Variants in POLQ observed in about 807,000 individuals in gnomAD.
POLQ encodes DNA polymerase theta.
POLQ carries 233 observed loss-of-function variants against 259.2 expected under a neutral mutation model. That is an observed-to-expected ratio of 0.90 (90% confidence interval 0.81 to 1.00). The LOEUF is 1.00. Among genes scored for constraint, POLQ ranks in the 50% least tolerant of loss-of-function variants. The pLI, the probability that POLQ is intolerant of heterozygous loss-of-function variation, is 0.00. For synonymous variants in POLQ, 1,025 were observed against 1,048.8 expected (o/e 0.98, Z 0.44); for missense variants, 2,871 against 3,051.6 (o/e 0.94, Z 1.39).
At chr3:121,522,570 C>T (rs974211521) in intron 7 of POLQ, among the ~76,000 whole-genome samples, 3 of 151,882 alleles carry the variant, frequency 2.0e-5, no homozygotes, top group Non-Finnish European at 4.4e-5. Context: ...CTCGGCCTCC[C>T]AAAGTGCTGG....
At chr3:121,498,106 T>A (rs2108802549) in intron 13 of POLQ, among the ~76,000 whole-genome samples, 1 of 150,892 alleles carries the variant, frequency 6.6e-6, no homozygotes, top group South Asian at 2.1e-4. Flanking sequence ...AGGTCAGGAG[T>A]TTAAGACCAG....
chr3:121,489,222 A>C lies in POLQ; in HGVS notation c.3709T>G (p.Cys1237Gly), dbSNP rs1379974231. The change falls in exon 16 of 30, where the codon TGT becomes GGT. Residue 1237 changes from cysteine (C) to glycine (G), a missense_variant. Cys to Gly is a radical substitution (Grantham distance 159, BLOSUM62 -3). Coordinates refer to ENST00000264233, the MANE Select transcript of POLQ (RefSeq NM_199420.4). ...INRDSNVTIN[C>G]ERIKLNTEEN... Reference sequence around the variant, plus strand: ...TCTGTATTAAGCTTTATCCTTTCACAATTGATAGTAACATTTGAGTCTCTA... The same window carrying C: ...TCTGTATTAAGCTTTATCCTTTCACCATTGATAGTAACATTTGAGTCTCTA... 6.2e-7 allele frequency: 1 copy of C among 1,612,050 alleles called. No individual in the cohort carries two copies. Among genetic ancestry groups the C allele is most frequent in the Non-Finnish European group, 8.5e-7 (1 of 1,179,084 alleles).
Position 121,488,822 on chromosome 3 carries a change from T to A in POLQ, c.4109A>T (p.Glu1370Val), listed in dbSNP as rs1356887037. Residue 1370 changes from glutamate (E) to valine (V), a missense_variant, in exon 16 of 30, where the codon GAG becomes GTG. By Grantham distance (121) the Glu-to-Val change is moderately radical. This residue lies in a region of POLQ where 2,080 missense variants were observed against 2,126.0 expected (regional missense o/e 0.98). Transcript: ENST00000264233. Reference sequence around the variant, plus strand: ...TTCAGCAGGAAAAGGAATGTGACACTCCTTCTGAAAAGAGTTCATTGAGTT... The same window carrying A: ...TTCAGCAGGAAAAGGAATGTGACACACCTTCTGAAAAGAGTTCATTGAGTT... ...QQNSMNSFQK[E>V]CHIPFPAEQH... The A allele has an allele frequency of 1.2e-6, 2 of 1,613,832 alleles. No individual in the cohort carries two copies. The highest frequency in any genetic ancestry group is 3.3e-5 in the Admixed American group (2 of 59,982).
rs2048250510 is a variant in POLQ, at chr3:121,510,960, G to A, written c.1612-717C>T. On this transcript the variant is annotated intron_variant, in intron 10 of 29. Transcript: ENST00000264233. ...TTAACTGGGTGAGCCAGGCGCAGTA[G>A]CTCACGCCCGTAATCCCAGCACTCT... Among the ~76,000 whole-genome samples, 4 of 152,252 alleles carry A rather than the reference G, an allele frequency of 2.6e-5. No individual in the cohort carries two copies. In the South Asian group the frequency reaches 8.3e-4, roughly 32 times the overall value.
In POLQ at chr3:121,467,513, C is replaced by T; in HGVS notation, c.6967+6G>A. On this transcript the variant is annotated splice_donor_region_variant and intron_variant, in intron 24 of 29. Coordinates refer to ENST00000264233, the MANE Select transcript of POLQ (RefSeq NM_199420.4). Reference sequence around the variant, plus strand: ...TGAGAAGCTTCAAAGCTATCAGCCACCTTACCTGGGAAAGGCACAAAGGCA... The same window carrying T: ...TGAGAAGCTTCAAAGCTATCAGCCATCTTACCTGGGAAAGGCACAAAGGCA... The T allele has an allele frequency of 6.2e-7, 1 of 1,613,272 alleles. No individual in the cohort carries two copies. Among genetic ancestry groups the T allele is most frequent in the South Asian group, 1.1e-5 (1 of 90,890 alleles).
intron 22 of POLQ, among the ~76,000 whole-genome samples, chr3:121,470,687 T>G (rs1332816989): frequency 1.3e-5 from 2 of 152,190 alleles, no homozygotes; most frequent in Non-Finnish European, 2.9e-5. Flanking sequence ...CACAGCTCAC[T>G]GTAGCCTTGA....
chr3:121,445,354 T>C (rs955521559), intron 26 of POLQ, among the ~76,000 whole-genome samples: 1 of 152,212 alleles, frequency 6.6e-6, no homozygotes, highest in African/African-American at 2.4e-5. Flanking sequence ...TGGTTCAATC[T>C]TGGCAGGTTG....
chr3:121,488,398 T>C lies in POLQ; in HGVS notation c.4533A>G (p.Glu1511=). The part of the protein sequence containing the change: ...KEQLPDMQMK[E]PLPSEVTSNH... ...TTGATGTTACTTCTGAAGGAAGGGG[T>C]TCTTTCATTTGCATATCAGGTAATT... Residue 1511 remains glutamate, a synonymous_variant, in exon 16 of 30, where the codon GAA becomes GAG. Coordinates refer to ENST00000264233, the MANE Select transcript of POLQ (RefSeq NM_199420.4). 4 of 1,612,888 alleles carry C rather than the reference T, an allele frequency of 2.5e-6. No individual in the cohort carries two copies. Among genetic ancestry groups the C allele is most frequent in the Non-Finnish European group, 3.4e-6 (4 of 1,179,040 alleles).
intron 25 of POLQ, among the ~76,000 whole-genome samples, chr3:121,455,509 G>C (rs2047726615): frequency 7.6e-6 from 1 of 132,122 alleles, no homozygotes; most frequent in Non-Finnish European, 1.6e-5. Flanking sequence ...GAAGAAAAGA[G>C]AGAAGAATCA....
intron 14 of POLQ, among the ~76,000 whole-genome samples, chr3:121,496,074 A>G (rs1346995742): frequency 5.3e-5 from 8 of 152,090 alleles, no homozygotes; most frequent in Admixed American, 4.6e-4. Context: ...TAATACATTA[A>G]GGCAGACCAG....
chr3:121,529,722 C>CA lies in POLQ; in HGVS notation c.1030dup (p.Cys344LeufsTer8). The CA allele has an allele frequency of 1.2e-6, 2 of 1,611,616 alleles. No individual in the cohort carries two copies. The highest frequency in any genetic ancestry group is 1.7e-6 in the Non-Finnish European group (2 of 1,178,554). On this transcript the variant is annotated frameshift_variant, in exon 7 of 30. Transcript: ENST00000264233. LOFTEE classifies it high-confidence loss of function. Reference sequence around the variant, plus strand: ...CTTCTCACACCATTTCTTTGATGGACAAAAAAGTAATACTGAATGGTTATC... The same window carrying CA: ...CTTCTCACACCATTTCTTTGATGGACAAAAAAAGTAATACTGAATGGTTATC...
intron 25 of POLQ, among the ~76,000 whole-genome samples, chr3:121,455,020 A>T (rs1367777978): frequency 2.6e-5 from 4 of 152,204 alleles, no homozygotes; most frequent in Admixed American, 2.6e-4. Context: ...AACAGAAATT[A>T]TAATAAACTG....
At position 121,436,347 on chromosome 3, in the gene POLQ, A is replaced by C. The variant is rs920614388; in HGVS notation, c.7390-72T>G. The C allele has an allele frequency of 6.7e-6, 10 of 1,483,300 alleles. No individual in the cohort carries two copies. In the African/African-American group the frequency reaches 1.2e-4, roughly 18 times the overall value. The allele number at this position is 1,483,300 out of a possible 1,614,324, so 91.9% of individuals were successfully genotyped here. A position where few individuals can be genotyped will look rare whatever the true frequency, so the allele number is the denominator to read the frequency against. ...TTTCATACTTTCCTTTAGTGTCCAC[A>C]GTTCAGTGCTCACATTTGCAGCCAG... On this transcript the variant is annotated intron_variant, in intron 27 of 29. Transcript: ENST00000264233.
intron 6 of POLQ, among the ~76,000 whole-genome samples, chr3:121,530,576 T>C (rs1455150246): frequency 6.6e-6 from 1 of 151,950 alleles, no homozygotes; most frequent in East Asian, 1.9e-4. Flanking sequence ...GAAAGAAAAA[T>C]TGTCCTGAGA....
chr3:121,506,021 TCA>T (rs2048205962), intron 12 of POLQ, among the ~76,000 whole-genome samples: 2 of 55,938 alleles, frequency 3.6e-5, no homozygotes, highest in South Asian at 1.1e-3. Context: ...AAACTCCATC[TCA>T]AAAAAAAAAA....
chr3:121,475,774 G>A (rs1027370233), intron 20 of POLQ, among the ~76,000 whole-genome samples: 1 of 152,192 alleles, frequency 6.6e-6, no homozygotes, highest in Non-Finnish European at 1.5e-5. Context: ...CTCAAGGCCT[G>A]TAGCTTACAT....
rs1560110127 is a variant in POLQ, at chr3:121,539,573, A to G, written c.491T>C (p.Val164Ala). ...KYYLQSLFQE[V>A]GIKVDGYMGS... ...CATATAACCGTCTACTTTTATTCCT[A>G]CTTCCTGAAACAGACTCTGAATTGA... The change falls in exon 4 of 30, where the codon GTA becomes GCA. Residue 164 changes from valine (V) to alanine (A), a missense_variant. Physicochemically the swap from Val to Ala is moderately conservative, Grantham distance 64. Transcript: ENST00000264233. 4 of 1,611,984 alleles carry G rather than the reference A, an allele frequency of 2.5e-6. No homozygotes were observed. Among genetic ancestry groups the G allele is most frequent in the Admixed American group, 3.3e-5 (2 of 59,708 alleles).
intron 9 of POLQ, among the ~76,000 whole-genome samples, chr3:121,513,512 G>A (rs1001207928): frequency 2.0e-4 from 29 of 141,634 alleles, no homozygotes; most frequent in African/African-American, 7.7e-4. Context: ...TGAGGCACGA[G>A]AATCACTTGA....
intron 12 of POLQ, among the ~76,000 whole-genome samples, chr3:121,499,623 T>C (rs1365069226): frequency 6.6e-6 from 1 of 152,134 alleles, no homozygotes; most frequent in East Asian, 1.9e-4. Context: ...ATCTTAAGTA[T>C]TCTGAGTAAT....
Sources: gnomAD v4.1 joint callset for allele counts (sites outside exome capture counted in the v4.1 genomes callset) on GRCh38, gnomAD v4.1.1 for gene constraint, gnomAD v4.1.1 regional missense constraint, MANE v1.5 for transcripts, NCBI Gene and HGNC (gene_info 2026-07-23, HGNC 2026-07-21) for gene names.